SNX29: variants seen among roughly 807,000 people sequenced by gnomAD.
SNX29 encodes the protein sorting nexin-29.
In SNX29, 78 loss-of-function variants were observed where a neutral mutation model predicts 102.1. That is an observed-to-expected ratio of 0.76 (90% confidence interval 0.64 to 0.92). The LOEUF (loss-of-function observed/expected upper bound fraction) is 0.92. Ranked by LOEUF, SNX29 falls within the 40% of genes least tolerant of loss-of-function variation. SNX29 has a pLI of 0.00. For missense variants in SNX29, 1,280 were observed against 1,061.7 expected (o/e 1.21, Z -2.86); for synonymous variants, 580 against 414.5 (o/e 1.40, Z -4.85).
At chr16:12,444,178 C>T (rs997289282) in intron 18 of SNX29, among the ~76,000 whole-genome samples, 1 of 152,126 alleles carries the variant, frequency 6.6e-6, no homozygotes, top group African/African-American at 2.4e-5. Context: ...GTAATAAGCA[C>T]TCAATATAGC....
intron 11 of SNX29, among the ~76,000 whole-genome samples, chr16:12,103,095 G>A (rs1462250371): frequency 6.6e-6 from 1 of 152,142 alleles, no homozygotes; most frequent in East Asian, 1.9e-4. Context: ...TCATGCATAG[G>A]TAGAATCAAT....
At chr16:12,335,644 C>G (rs1342940109) in intron 15 of SNX29, among the ~76,000 whole-genome samples, 1 of 152,184 alleles carries the variant, frequency 6.6e-6, no homozygotes, top group African/African-American at 2.4e-5. Context: ...CTGCTGCACT[C>G]CAGACGGGGT....
intron 18 of SNX29, among the ~76,000 whole-genome samples, chr16:12,431,993 G>C (rs991370168): frequency 6.6e-6 from 1 of 152,222 alleles, no homozygotes; most frequent in African/African-American, 2.4e-5. Flanking sequence ...GAGATAAGAT[G>C]GCTGCTCCCA....
intron 4 of SNX29, among the ~76,000 whole-genome samples, chr16:12,033,130 C>G (rs987009667): frequency 3.9e-4 from 60 of 152,268 alleles, no homozygotes; most frequent in African/African-American, 1.4e-3. Context: ...GCTGGAAGTA[C>G]AGGTGCGAGC....
chr16:12,339,370 C>CAAAAAAAAAA (rs58148692), intron 15 of SNX29, among the ~76,000 whole-genome samples: 969 of 56,240 alleles, frequency 0.017, 148 homozygotes, highest in African/African-American at 0.074. Flanking sequence ...GATTCTGTCT[C>CAAAAAAAAAA]AAAAAAAAAA....
chr16:12,537,492 G>C (rs551210583), intron 20 of SNX29, among the ~76,000 whole-genome samples: 20 of 152,278 alleles, frequency 1.3e-4, no homozygotes, highest in African/African-American at 4.6e-4. Context: ...GGTGATAGTG[G>C]CAGAGATTTC....
intron 15 of SNX29, among the ~76,000 whole-genome samples, chr16:12,280,566 T>C (rs1464620966): frequency 6.6e-6 from 1 of 152,152 alleles, no homozygotes; most frequent in East Asian, 1.9e-4. Context: ...AGATGCTGGC[T>C]GTGGTCAACG....
chr16:12,565,337 T>TC (rs1289892378), intron 20 of SNX29, among the ~76,000 whole-genome samples: 1 of 152,198 alleles, frequency 6.6e-6, no homozygotes, highest in African/African-American at 2.4e-5. Flanking sequence ...GTCTGGGTTT[T>TC]CCATCTGTCA....
At chr16:12,166,814 C>T (rs142753077) in intron 13 of SNX29, among the ~76,000 whole-genome samples, 44 of 152,322 alleles carry the variant, frequency 2.9e-4, no homozygotes, top group Non-Finnish European at 4.9e-4. Flanking sequence ...GTGCTTCCAG[C>T]AGATCTCGTG....
At chr16:12,222,860 C>A (rs746815074) in intron 14 of SNX29, among the ~76,000 whole-genome samples, 6 of 152,082 alleles carry the variant, frequency 3.9e-5, no homozygotes, top group Non-Finnish European at 5.9e-5. Context: ...TAAGCCACGA[C>A]GCCCAGCCTG....
chr16:12,006,121 T>G (rs2056443741), intron 3 of SNX29, among the ~76,000 whole-genome samples: 1 of 151,846 alleles, frequency 6.6e-6, no homozygotes. Context: ...GGAGGATTGC[T>G]TGAGGCCAGG....
intron 19 of SNX29, among the ~76,000 whole-genome samples, chr16:12,481,508 A>G (rs1170647935): frequency 7.8e-6 from 1 of 128,364 alleles, no homozygotes; most frequent in Non-Finnish European, 1.6e-5. Flanking sequence ...GTACATATAC[A>G]TATAGACACA....
At position 12,572,773 on chromosome 16, in the gene SNX29, C is replaced by G; in HGVS notation, c.*4144C>G. The G allele has an allele frequency of 1.9e-6, 2 of 1,063,858 alleles. No homozygotes were observed. The highest frequency in any genetic ancestry group is 5.4e-5 in the Admixed American group (1 of 18,680). The allele number at this position is 1,063,858 out of a possible 1,614,324, so 65.9% of individuals were successfully genotyped here. On this transcript the variant is annotated 3_prime_UTR_variant, in exon 21 of 21. Transcript: ENST00000566228. ...TTCAGCTTCTGGGACCCGAGGAAGA[C>G]CCCACCTCACTCCTCCTTCCCCAGT...
At position 12,445,155 on chromosome 16, in the gene SNX29, G is replaced by GTT. The variant is rs1345077307; in HGVS notation, c.2038-32556_2038-32555dup. 1.5e-3 allele frequency among the ~76,000 whole-genome samples: 225 copies of GTT among 150,824 alleles called. 2 individuals carry two copies. Among genetic ancestry groups the GTT allele is most frequent in the Middle Eastern group, 6.9e-3 (2 of 288 alleles). ...AGTGAGCCACTGTGCCTGGCTGACA[G>GTT]TTTTTTTTTGTTTTTGAATAAAGTT... is the stretch of plus-strand genomic sequence containing the variant. On this transcript the variant is annotated intron_variant, in intron 18 of 20. Coordinates refer to ENST00000566228, the MANE Select transcript of SNX29 (RefSeq NM_032167.5).
At chr16:12,313,882 A>G (rs1051387983) in intron 15 of SNX29, among the ~76,000 whole-genome samples, 3 of 152,272 alleles carry the variant, frequency 2.0e-5, no homozygotes, top group Admixed American at 6.5e-5. Context: ...CTTTACAGCA[A>G]ATGAGACTGA....
intron 16 of SNX29, chr16:12,366,925 C>G (rs960579915): frequency 6.6e-6 from 1 of 152,102 alleles, no homozygotes; most frequent in African/African-American, 2.4e-5. Context: ...TCTCCCTCTC[C>G]CTTCCCTTCC....
chr16:11,982,928 T>C (rs1341297575), intron 1 of SNX29, among the ~76,000 whole-genome samples: 2 of 152,064 alleles, frequency 1.3e-5, no homozygotes, highest in African/African-American at 4.8e-5. Context: ...AAAATTTTTT[T>C]TAATTAACGA....
At chr16:12,464,156 C>A (rs2086944462) in intron 18 of SNX29, among the ~76,000 whole-genome samples, 1 of 150,986 alleles carries the variant, frequency 6.6e-6, no homozygotes, top group African/African-American at 2.4e-5. Context: ...TAATACGATC[C>A]CCTCCAGGTT....
chr16:12,119,694 G>C (rs1290606499), intron 11 of SNX29, among the ~76,000 whole-genome samples: 1 of 152,190 alleles, frequency 6.6e-6, no homozygotes, highest in African/African-American at 2.4e-5. Context: ...CCCAGGAGCC[G>C]GGCTGGGCCT....
Sources: gnomAD v4.1 joint callset for allele counts (sites outside exome capture counted in the v4.1 genomes callset) on GRCh38, gnomAD v4.1.1 for gene constraint, MANE v1.5 for transcripts, NCBI Gene and HGNC (gene_info 2026-07-23, HGNC 2026-07-21) for gene names.